PWWP2B: variants seen among roughly 807,000 people sequenced by gnomAD.
PWWP2B encodes the protein PWWP domain containing 2B.
PWWP2B carries 9 observed loss-of-function variants against 15.5 expected under a neutral mutation model. The observed-to-expected ratio is 0.58, with a 90% CI of 0.35 to 1.02. PWWP2B has a LOEUF of 1.02. Ranked by LOEUF, PWWP2B falls within the 50% of genes least tolerant of loss-of-function variation. The pLI, the probability that PWWP2B is intolerant of heterozygous loss-of-function variation, is 0.02. For missense variants in PWWP2B, 864 were observed against 865.3 expected (o/e 1.00, Z 0.02); for synonymous variants, 474 against 403.6 (o/e 1.17, Z -2.09).
intron 1 of PWWP2B, among the ~76,000 whole-genome samples, chr10:132,403,890 C>T (rs1003549192): frequency 1.8e-5 from 2 of 108,894 alleles, no homozygotes; most frequent in East Asian, 3.8e-4. Flanking sequence ...AGGGCTCTCT[C>T]GGGGCCACTG....
At chr10:132,411,596 G>A (rs59449224) in intron 2 of PWWP2B, among the ~76,000 whole-genome samples, 4,329 of 152,344 alleles carry the variant, frequency 0.028, 184 homozygotes, top group African/African-American at 0.097. Context: ...CTGTGCACAG[G>A]CCATGGGGGC....
intron 2 of PWWP2B, among the ~76,000 whole-genome samples, chr10:132,415,930 C>A (rs1380479202): frequency 6.6e-6 from 1 of 151,924 alleles, no homozygotes; most frequent in Non-Finnish European, 1.5e-5. Context: ...GAGAAAGAAT[C>A]CCCTCTTACA....
chr10:132,416,450 G>A (rs1448521547), intron 2 of PWWP2B, among the ~76,000 whole-genome samples: 1 of 152,182 alleles, frequency 6.6e-6, no homozygotes, highest in Non-Finnish European at 1.5e-5. Context: ...GTCTGTCCCC[G>A]CCAGGTCTTT....
At chr10:132,407,888 TG>T (rs904853257) in intron 2 of PWWP2B, among the ~76,000 whole-genome samples, 2 of 152,150 alleles carry the variant, frequency 1.3e-5, no homozygotes, top group African/African-American at 4.8e-5. Flanking sequence ...TCTGCTGTCC[TG>T]GGGGGCCCTC....
In PWWP2B at chr10:132,405,562, G is replaced by T. The variant is rs76595411; in HGVS notation, c.1062G>T (p.Val354=). 4.4e-6 allele frequency: 7 copies of T among 1,606,930 alleles called. No individual in the cohort carries two copies. Among genetic ancestry groups the T allele is most frequent in the South Asian group, 1.1e-5 (1 of 91,004 alleles). ...EHEPVYRAEL[V]GELNGYLRDS... ...AGCCCGTGTACCGGGCCGAGCTGGT[G>T]GGGGAGCTGAACGGGTACCTGCGGG... is the stretch of plus-strand genomic sequence containing the variant. Residue 354 remains valine (V), a synonymous_variant, in exon 2 of 3, where the codon GTG becomes GTT. Transcript: ENST00000305233.
At chr10:132,400,183 T>C (rs1467069698) in intron 1 of PWWP2B, among the ~76,000 whole-genome samples, 1 of 152,174 alleles carries the variant, frequency 6.6e-6, no homozygotes, top group African/African-American at 2.4e-5. Flanking sequence ...GCAGTGGTGA[T>C]AGGCTGTGCC....
rs115789831 is a variant in PWWP2B at position 132,399,390 on chromosome 10, G to A, written c.125+2039G>A. Among the ~76,000 whole-genome samples the A allele has an allele frequency of 5.2e-3, 790 of 152,364 alleles. 5 individuals carry two copies. Among genetic ancestry groups the A allele is most frequent in the African/African-American group, 0.013 (521 of 41,580 alleles). ...AGGCACCTGTTCAGAGCAATCCCAC[G>A]GGAATGGCGGCCCCGCTCACACAGG... On this transcript the variant is annotated intron_variant, in intron 1 of 2. Coordinates refer to ENST00000305233, the MANE Select transcript of PWWP2B (RefSeq NM_138499.4).
At chr10:132,408,811 AGGCCCTGCTCAGGGGTAGGC>A (rs1156301333) in intron 2 of PWWP2B, among the ~76,000 whole-genome samples, 1 of 152,208 alleles carries the variant, frequency 6.6e-6, no homozygotes, top group Non-Finnish European at 1.5e-5. Flanking sequence ...GCGGGGCTGG[AGGCCCTGCTCAGGGGTAGGC>A]GGATGCCCCA....
At chr10:132,400,028 GA>G (rs752448536) in intron 1 of PWWP2B, among the ~76,000 whole-genome samples, 4 of 152,222 alleles carry the variant, frequency 2.6e-5, no homozygotes, top group Non-Finnish European at 4.4e-5. Flanking sequence ...CCCACACTGA[GA>G]ACCCCAGACA....
At chr10:132,403,394 AGTTACGC>A (rs1329371477) in intron 1 of PWWP2B, among the ~76,000 whole-genome samples, 1 of 152,226 alleles carries the variant, frequency 6.6e-6, no homozygotes, top group Non-Finnish European at 1.5e-5. Flanking sequence ...GTTTGTTACC[AGTTACGC>A]GTGTTCCCTG....
At chr10:132,402,343 C>T (rs2069625520) in intron 1 of PWWP2B, among the ~76,000 whole-genome samples, 1 of 152,258 alleles carries the variant, frequency 6.6e-6, no homozygotes, top group African/African-American at 2.4e-5. Flanking sequence ...CGTCCTCTGG[C>T]AGGGATGCTT....
chr10:132,409,961 G>T (rs932651389), intron 2 of PWWP2B, among the ~76,000 whole-genome samples: 1 of 152,158 alleles, frequency 6.6e-6, no homozygotes, highest in African/African-American at 2.4e-5. Context: ...TCCAGGGGTT[G>T]CGGAGGTGGT....
intron 2 of PWWP2B, among the ~76,000 whole-genome samples, chr10:132,413,418 G>A (rs562141166): frequency 1.2e-4 from 18 of 152,138 alleles, no homozygotes; most frequent in Non-Finnish European, 1.9e-4. Flanking sequence ...GGCAGTGAAC[G>A]CCTGAGCTCG....
chr10:132,412,309 T>C (rs2069791605), intron 2 of PWWP2B, among the ~76,000 whole-genome samples: 1 of 150,976 alleles, frequency 6.6e-6, no homozygotes, highest in Admixed American at 6.6e-5. Context: ...TTGCCAGACC[T>C]CCTACTTGCT....
intron 1 of PWWP2B, among the ~76,000 whole-genome samples, chr10:132,400,230 T>C (rs1007911350): frequency 6.6e-6 from 1 of 152,108 alleles, no homozygotes; most frequent in Non-Finnish European, 1.5e-5. Context: ...ACAGGCCTAG[T>C]GCATTGAAGG....
intron 1 of PWWP2B, among the ~76,000 whole-genome samples, chr10:132,402,980 T>C (rs1385164244): frequency 2.0e-5 from 3 of 152,232 alleles, no homozygotes; most frequent in Admixed American, 6.5e-5. Flanking sequence ...CTGGGACTGG[T>C]GAGGGCACCG....
At chr10:132,402,510 G>A (rs56307927) in intron 1 of PWWP2B, among the ~76,000 whole-genome samples, 25,116 of 152,328 alleles carry the variant, frequency 0.16, 2,527 homozygotes, top group Middle Eastern at 0.24. Flanking sequence ...GTGCACCAGC[G>A]GGCGTGTGCA....
chr10:132,410,357 A>G (rs555571098), intron 2 of PWWP2B, among the ~76,000 whole-genome samples: 15 of 152,240 alleles, frequency 9.9e-5, no homozygotes, highest in South Asian at 2.1e-4. Flanking sequence ...GGCCAGGACA[A>G]TGCTTGGCGG....
At position 132,417,583 on chromosome 10, in the gene PWWP2B, C is replaced by T. The variant is rs1338665985; in HGVS notation, c.*539C>T. 2.5e-5 allele frequency: 4 copies of T among 157,578 alleles called. No individual in the cohort carries two copies. Among genetic ancestry groups the T allele is most frequent in the South Asian group, 1.7e-4 (1 of 6,018 alleles). The allele number at this position is 157,578 out of a possible 1,614,324, so 9.8% of individuals were successfully genotyped here. Reference sequence around the variant, plus strand: ...GGGATTCTTCCCCAGCCCTTGGGTGCGGGGTCTCTGTGCACTTGAGAGCTG... The same window carrying T: ...GGGATTCTTCCCCAGCCCTTGGGTGTGGGGTCTCTGTGCACTTGAGAGCTG... On this transcript the variant is annotated 3_prime_UTR_variant, in exon 3 of 3. Coordinates refer to ENST00000305233, the MANE Select transcript of PWWP2B (RefSeq NM_138499.4).
Sources: gnomAD v4.1 joint callset for allele counts (sites outside exome capture counted in the v4.1 genomes callset) on GRCh38, gnomAD v4.1.1 for gene constraint, MANE v1.5 for transcripts, NCBI Gene and HGNC (gene_info 2026-07-23, HGNC 2026-07-21) for gene names.